PABPC1: variants seen among roughly 807,000 people sequenced by gnomAD.
The protein encoded by PABPC1 is poly(A) binding protein cytoplasmic 1, also known as polyadenylate-binding protein 1.
Under a neutral mutation model 74.0 loss-of-function variants are expected in PABPC1, and 4 were observed. The observed-to-expected ratio is 0.05, with a 90% CI of 0.03 to 0.12. The LOEUF (loss-of-function observed/expected upper bound fraction) is 0.12, where lower values mean the gene tolerates loss of function less well. Among genes scored for constraint, PABPC1 ranks in the 10% least tolerant of loss-of-function variants. PABPC1 has a pLI of 1.00. For synonymous variants in PABPC1, 227 were observed against 264.1 expected, an observed-to-expected ratio of 0.86 and a Z score of 1.36; for missense variants, 271 against 821.1, an observed-to-expected ratio of 0.33 and a Z score of 8.19.
intron 13 of PABPC1, 84 bp downstream of exon 13, chr8:100,704,842 G>T (rs1439191080): frequency 1.5e-6 from 2 of 1,336,828 alleles, no homozygotes; most frequent in East Asian, 2.3e-5. Context: ...ATAACACGAT[G>T]TAAGTGTTCT....
chr8:100,704,140 T>A, intron 14 of PABPC1, 157 bp downstream of exon 14: 1 of 605,552 alleles, frequency 1.7e-6, no homozygotes, highest in Non-Finnish European at 3.0e-6. Context: ...CTTTAATTCC[T>A]CTATAGTTAG....
At chr8:100,715,632 G>T in intron 3 of PABPC1, 31 bp from the exon 4 acceptor site, 1 of 1,508,610 alleles carries the variant, frequency 6.6e-7, no homozygotes, top group Non-Finnish European at 9.1e-7. Context: ...TATAACATTA[G>T]ATTCTATTTT....
intron 12 of PABPC1, 51 bp from the exon 13 acceptor site, chr8:100,705,107 C>A (rs537855932): frequency 6.5e-7 from 1 of 1,530,090 alleles, no homozygotes; most frequent in South Asian, 1.2e-5. Context: ...AAGTTTTTAA[C>A]TGCATTGAAT....
chr8:100,717,478 T>C (rs1277254656), intron 3 of PABPC1, among the ~76,000 whole-genome samples: 1 of 152,248 alleles, frequency 6.6e-6, no homozygotes, highest in African/African-American at 2.4e-5. Context: ...AGCTACATTT[T>C]TCTGTTTACT....
At chr8:100,718,440 C>T (rs997108766) in intron 1 of PABPC1, among the ~76,000 whole-genome samples, 160 bp from the exon 2 acceptor site, 1 of 152,224 alleles carries the variant, frequency 6.6e-6, no homozygotes, top group Non-Finnish European at 1.5e-5. Flanking sequence ...AAGTATCACA[C>T]ACTAGTGTGG....
At chr8:100,709,380 C>A in intron 8 of PABPC1, 79 bp downstream of exon 8, 2 of 1,543,614 alleles carry the variant, frequency 1.3e-6, no homozygotes, top group South Asian at 2.3e-5. Flanking sequence ...TTCACATTTG[C>A]GGGGCGAGGG....
Position 100,705,062 on chromosome 8 carries a change from A to T in PABPC1, c.1688-6T>A. ...AAGAGGAAACAGCCGTTCACCTAGG[A>T]ACAGAAACATTCAAAAACTCCCTTC... On this transcript the variant is annotated splice_region_variant and splice_polypyrimidine_tract_variant and intron_variant, in intron 12 of 14. Coordinates refer to ENST00000318607, the MANE Select transcript of PABPC1 (RefSeq NM_002568.4). The T allele has an allele frequency of 1.2e-6, 2 of 1,604,200 alleles. No homozygotes were observed. The highest frequency in any genetic ancestry group is 1.7e-6 in the Non-Finnish European group (2 of 1,177,450).
intron 1 of PABPC1, among the ~76,000 whole-genome samples, chr8:100,720,867 C>A (rs975106064): frequency 4.6e-5 from 7 of 152,320 alleles, no homozygotes; most frequent in African/African-American, 1.7e-4. Flanking sequence ...GGCCTGGTGG[C>A]TCCCCCAGGC....
intron 7 of PABPC1, among the ~76,000 whole-genome samples, chr8:100,711,226 G>A (rs2129708316): frequency 6.6e-6 from 1 of 152,236 alleles, no homozygotes; most frequent in South Asian, 2.1e-4. Flanking sequence ...GCTGCAGTGA[G>A]CTGAGATTGC....
intron 1 of PABPC1, among the ~76,000 whole-genome samples, chr8:100,719,798 C>T (rs987902912): frequency 3.3e-5 from 5 of 152,214 alleles, no homozygotes; most frequent in African/African-American, 1.2e-4. Flanking sequence ...CCCATGTTTT[C>T]TCCACCAACT....
chr8:100,720,295 G>C (rs1380532475), intron 1 of PABPC1, among the ~76,000 whole-genome samples: 2 of 152,126 alleles, frequency 1.3e-5, no homozygotes, highest in African/African-American at 4.8e-5. Flanking sequence ...TCTGTTAACT[G>C]TTTAGCTTCA....
intron 9 of PABPC1, among the ~76,000 whole-genome samples, chr8:100,708,117 T>C (rs1810430126): frequency 6.6e-6 from 1 of 152,246 alleles, no homozygotes; most frequent in African/African-American, 2.4e-5. Context: ...GATCTATATC[T>C]GGTATAACTA....
At chr8:100,705,267 GC>G (rs1445948353) in intron 12 of PABPC1, among the ~76,000 whole-genome samples, 1 of 152,220 alleles carries the variant, frequency 6.6e-6, no homozygotes, top group Admixed American at 6.5e-5. Context: ...TGCCAATTAA[GC>G]AATGTTACCA....
At chr8:100,704,143 A>G (rs1810320474) in intron 14 of PABPC1, 154 bp downstream of exon 14, 8 of 650,960 alleles carry the variant, frequency 1.2e-5, no homozygotes, top group Admixed American at 2.5e-5. Context: ...TAATTCCTCT[A>G]TAGTTAGTTC....
chr8:100,709,924 G>C, intron 7 of PABPC1, 193 bp from the exon 8 acceptor site: 1 of 597,888 alleles, frequency 1.7e-6, no homozygotes, highest in Non-Finnish European at 2.9e-6. Flanking sequence ...CTACACATAT[G>C]CATTACCCTA....
chr8:100,706,551 T>C (rs1013189916), intron 11 of PABPC1, 100 bp downstream of exon 11: 24 of 1,041,064 alleles, frequency 2.3e-5, no homozygotes, highest in Admixed American at 1.7e-4. Flanking sequence ...CCTCCCAAAG[T>C]GCTGGGGTTA....
chr8:100,703,147 G>GTT lies in PABPC1; in HGVS notation c.*212_*213dup, dbSNP rs1165345168. On this transcript the variant is annotated 3_prime_UTR_variant, in exon 15 of 15. Coordinates refer to ENST00000318607, the MANE Select transcript of PABPC1 (RefSeq NM_002568.4). ...TTTTTATATTTTACTATTTTTTTGT[G>GTT]TTTTTTTGTTTTTAAATCAATAAGT... 6.2e-6 allele frequency: 1 copy of GTT among 162,000 alleles called. No homozygotes were observed. Among genetic ancestry groups the GTT allele is most frequent in the Non-Finnish European group, 1.5e-5 (1 of 67,884 alleles). 10.0% of individuals were successfully genotyped at this position (162,000 alleles called of 1,614,324 possible).
chr8:100,710,961 C>CA (rs1810512821), intron 7 of PABPC1, among the ~76,000 whole-genome samples: 1 of 149,506 alleles, frequency 6.7e-6, no homozygotes, highest in African/African-American at 2.5e-5. Flanking sequence ...CACTCCATCT[C>CA]AAAAAAATAA....
At chr8:100,703,552 T>G (rs1412471788) in intron 14 of PABPC1, among the ~76,000 whole-genome samples, 193 bp from the exon 15 acceptor site, 1 of 152,188 alleles carries the variant, frequency 6.6e-6, no homozygotes, top group Admixed American at 6.6e-5. Flanking sequence ...ATTTCAGAGA[T>G]AACACAGTCC....
Sources: gnomAD v4.1 joint callset for allele counts (sites outside exome capture counted in the v4.1 genomes callset) on GRCh38, gnomAD v4.1.1 for gene constraint, MANE v1.5 for transcripts, NCBI Gene and HGNC (gene_info 2026-07-23, HGNC 2026-07-21) for gene names.